The following RIC1 variants were observed in gnomAD, a reference collection of about 807,000 sequenced individuals.
RIC1 encodes the protein RIC1 partner of RAB6A GEF complex, also known as guanine nucleotide exchange factor subunit RIC1.
RIC1 carries 88 observed loss-of-function variants against 169.0 expected under a neutral mutation model. The ratio of observed to expected loss-of-function variants is 0.52; its 90% CI spans 0.44 to 0.62. The LOEUF (loss-of-function observed/expected upper bound fraction) is 0.62, where lower values mean the gene tolerates loss of function less well. RIC1 is among the 20% of genes least tolerant of loss of function. The pLI is 0.00. For missense variants in RIC1, 1,877 were observed against 1,725.5 expected (o/e 1.09, Z -1.56); for synonymous variants, 790 against 601.5 (o/e 1.31, Z -4.59).
rs1192869349 is a variant in RIC1 at position 5,769,159 on chromosome 9, A to G, written c.3327A>G (p.Ile1109Met). The change falls in exon 22 of 26, where the codon ATA (isoleucine) becomes ATG (methionine). Residue 1109 changes from isoleucine (I) to methionine (M), a missense_variant. By Grantham distance (10) the Ile-to-Met change is conservative. Around this residue, in one of 3 missense-constraint regions of RIC1, gnomAD observed 681 missense variants for 582.0 expected, o/e 1.17. Transcript: ENST00000414202. Reference protein sequence around the residue: ...TRAARVDNFVIALKRLHKDFL... With the variant: ...TRAARVDNFVMALKRLHKDFL... ...CCGCCCGGGTAGACAACTTTGTAATAGCCCTGAAGAGACTCCACAAAGATT... is the reference window on the plus strand; with the variant it reads ...CCGCCCGGGTAGACAACTTTGTAATGGCCCTGAAGAGACTCCACAAAGATT... The G allele has an allele frequency of 6.2e-7, 1 of 1,614,136 alleles. No homozygotes were observed. The highest frequency in any genetic ancestry group is 8.5e-7 in the Non-Finnish European group (1 of 1,179,994).
intron 23 of RIC1, among the ~76,000 whole-genome samples, chr9:5,771,180 C>T (rs896383111): frequency 3.9e-5 from 6 of 152,174 alleles, no homozygotes; most frequent in African/African-American, 7.2e-5. Flanking sequence ...ATCTTCAAAA[C>T]GAAAACTCTG....
chr9:5,714,474 A>G (rs1422411061), intron 4 of RIC1, among the ~76,000 whole-genome samples: 1 of 152,246 alleles, frequency 6.6e-6, no homozygotes, highest in Non-Finnish European at 1.5e-5. Flanking sequence ...AATCTATTTT[A>G]TACCCATTGG....
intron 2 of RIC1, among the ~76,000 whole-genome samples, chr9:5,670,752 G>C (rs1365412096): frequency 6.6e-6 from 1 of 152,216 alleles, no homozygotes; most frequent in Non-Finnish European, 1.5e-5. Context: ...AATAGAGAAA[G>C]TTTAATTCAT....
At chr9:5,646,063 A>C (rs1182289713) in intron 1 of RIC1, among the ~76,000 whole-genome samples, 1 of 151,358 alleles carries the variant, frequency 6.6e-6, no homozygotes, top group Admixed American at 6.6e-5. Context: ...CAGTGGTTCC[A>C]GTTTCTTCAC....
chr9:5,762,174 T>G (rs1826379235), intron 17 of RIC1, among the ~76,000 whole-genome samples: 1 of 152,238 alleles, frequency 6.6e-6, no homozygotes, highest in Admixed American at 6.5e-5. Flanking sequence ...CACGTGTATG[T>G]CTTCCTCATC....
chr9:5,723,333 C>A (rs1215800989), intron 6 of RIC1, among the ~76,000 whole-genome samples: 3 of 152,122 alleles, frequency 2.0e-5, no homozygotes, highest in Non-Finnish European at 2.9e-5. Context: ...TTTCATGTGT[C>A]TGTTGGCTGC....
chr9:5,692,647 T>C (rs565977653), intron 3 of RIC1, among the ~76,000 whole-genome samples: 1 of 152,032 alleles, frequency 6.6e-6, no homozygotes, highest in African/African-American at 2.4e-5. Context: ...AGTTTCTTGG[T>C]TTTTCTGCAG....
intron 1 of RIC1, among the ~76,000 whole-genome samples, chr9:5,642,017 A>C (rs1818277156): frequency 6.9e-6 from 1 of 144,068 alleles, no homozygotes. Flanking sequence ...TCAAAGAGGT[A>C]GGTATTTATT....
intron 2 of RIC1, among the ~76,000 whole-genome samples, chr9:5,683,068 AT>A (rs533769358): frequency 1.3e-5 from 2 of 151,688 alleles, no homozygotes; most frequent in African/African-American, 4.8e-5. Flanking sequence ...CATTCGTCTA[AT>A]TTTTTTTCAA....
At chr9:5,657,997 C>G (rs1395237205) in intron 2 of RIC1, among the ~76,000 whole-genome samples, 2 of 152,202 alleles carry the variant, frequency 1.3e-5, no homozygotes, top group East Asian at 1.9e-4. Flanking sequence ...AATTGAAGTT[C>G]TTACAGCAAG....
At chr9:5,654,465 C>G (rs1275262309) in intron 1 of RIC1, among the ~76,000 whole-genome samples, 1 of 152,038 alleles carries the variant, frequency 6.6e-6, no homozygotes. Context: ...GCGGGCTGGT[C>G]TCGAACTCCT....
intron 10 of RIC1, among the ~76,000 whole-genome samples, chr9:5,744,016 G>C (rs190607205): frequency 1.3e-5 from 2 of 149,752 alleles, no homozygotes; most frequent in East Asian, 4.1e-4. Flanking sequence ...TGCCCAGGCT[G>C]GCCCCCTTTT....
rs769180682 is a variant in RIC1 at position 5,720,727 on chromosome 9, G to A, written c.697G>A (p.Val233Met). ...NDGKVGFITP[V>M]SSRFTAEQLH... The stretch of plus-strand genomic sequence containing the variant: ...TGGTAAAGTTGGATTTATTACACCA[G>A]TGTCAAGTAGATTTACTGCAGAGGT... The change falls in exon 6 of 26, where the codon GTG becomes ATG. Residue 233 changes from valine (V) to methionine (M), a missense_variant. Physicochemically the swap from Val to Met is conservative, Grantham distance 21. Coordinates refer to ENST00000414202, the MANE Select transcript of RIC1 (RefSeq NM_020829.4). The A allele has an allele frequency of 6.2e-7, 1 of 1,609,172 alleles. No homozygotes were observed. The highest frequency in any genetic ancestry group is 8.5e-7 in the Non-Finnish European group (1 of 1,178,258).
intron 3 of RIC1, among the ~76,000 whole-genome samples, chr9:5,702,445 C>T (rs533261802): frequency 2.0e-3 from 300 of 152,300 alleles, no homozygotes; most frequent in African/African-American, 6.6e-3. Flanking sequence ...GAAGCAGGCA[C>T]CTCTTACACG....
rs1164117360 is a variant in RIC1, at chr9:5,753,585, T to C, written c.1541T>C (p.Phe514Ser). 1 of 1,612,268 alleles carries C rather than the reference T, an allele frequency of 6.2e-7. No homozygotes were observed. Among genetic ancestry groups the C allele is most frequent in the African/African-American group, 1.3e-5 (1 of 74,792 alleles). Residue 514 changes from phenylalanine (F) to serine (S), a missense_variant, in exon 14 of 26, where the codon TTT becomes TCT. Physicochemically the swap from Phe to Ser is radical, Grantham distance 155. This residue lies in a region of RIC1 where 1,104 missense variants were observed against 992.0 expected (regional missense o/e 1.11). Transcript: ENST00000414202. Reference sequence around the variant, plus strand: ...CAGAATATTGCTGTGGTTGGCAAGTTTGGTTTTGCACATTACTCTTTACTC... The same window carrying C: ...CAGAATATTGCTGTGGTTGGCAAGTCTGGTTTTGCACATTACTCTTTACTC... ...LGQNIAVVGKFGFAHYSLLTK... is the reference protein window; with the variant it reads ...LGQNIAVVGKSGFAHYSLLTK...
At chr9:5,754,656 A>T (rs1037531014) in intron 14 of RIC1, among the ~76,000 whole-genome samples, 185 bp from the exon 15 acceptor site, 2 of 152,152 alleles carry the variant, frequency 1.3e-5, no homozygotes, top group African/African-American at 4.8e-5. Flanking sequence ...CCTTGAACCC[A>T]GGAGGCGGAG....
intron 10 of RIC1, 22 bp downstream of exon 10, chr9:5,743,759 T>C (rs1438450869): frequency 1.3e-6 from 2 of 1,567,836 alleles, no homozygotes; most frequent in Non-Finnish European, 1.7e-6. Flanking sequence ...CTATAAAAAA[T>C]TGGCATGGTA....
chr9:5,637,055 TTTTG>T (rs756982205), intron 1 of RIC1, among the ~76,000 whole-genome samples: 12 of 152,162 alleles, frequency 7.9e-5, no homozygotes, highest in South Asian at 4.1e-4. Context: ...TTTATGATTT[TTTTG>T]TTTGTTTGTT....
chr9:5,678,900 T>C (rs1357674080), intron 2 of RIC1, among the ~76,000 whole-genome samples: 1 of 152,106 alleles, frequency 6.6e-6, no homozygotes, highest in African/African-American at 2.4e-5. Context: ...TTTGGTGTTT[T>C]AGACATGAAG....
Sources: gnomAD v4.1 joint callset for allele counts (sites outside exome capture counted in the v4.1 genomes callset) on GRCh38, gnomAD v4.1.1 for gene constraint, gnomAD v4.1.1 regional missense constraint, MANE v1.5 for transcripts, NCBI Gene and HGNC (gene_info 2026-07-23, HGNC 2026-07-21) for gene names.